Variants in GLYR1 observed in about 807,000 individuals in gnomAD.
GLYR1 encodes cytokine-like nuclear factor N-PAC.
Under a neutral mutation model 72.7 loss-of-function variants are expected in GLYR1, and 21 were observed. The observed-to-expected ratio is 0.29, with a 90% confidence interval of 0.20 to 0.42. GLYR1 has a LOEUF of 0.42. Ranked by LOEUF, GLYR1 falls within the 10% of genes least tolerant of loss-of-function variation. GLYR1 has a pLI of 1.00. For synonymous variants in GLYR1, 392 were observed against 270.2 expected (o/e 1.45, Z -4.42); for missense variants, 594 against 712.1 (o/e 0.83, Z 1.89).
intron 10 of GLYR1, among the ~76,000 whole-genome samples, chr16:4,817,260 C>T (rs531724646): frequency 3.2e-4 from 48 of 151,946 alleles, no homozygotes; most frequent in African/African-American, 9.7e-4. Context: ...GCTGGGACTA[C>T]AGGTGCCCGC....
intron 10 of GLYR1, among the ~76,000 whole-genome samples, chr16:4,816,282 T>C (rs1019289302): frequency 1.3e-5 from 2 of 152,148 alleles, no homozygotes; most frequent in Admixed American, 6.6e-5. Context: ...TAGCTGGGAC[T>C]ATAGTAGGCA....
At chr16:4,811,826 T>G in intron 13 of GLYR1, 24 bp from the exon 14 acceptor site, 1 of 1,602,228 alleles carries the variant, frequency 6.2e-7, no homozygotes, top group Non-Finnish European at 8.5e-7. Context: ...AGACTCACGG[T>G]CACAGCCCAA....
At position 4,847,225 on chromosome 16, in the gene GLYR1, C is replaced by T. The variant is rs369843239; in HGVS notation, c.38+3G>A. 6.2e-7 allele frequency: 1 copy of T among 1,606,768 alleles called. No homozygotes were observed. The highest frequency in any genetic ancestry group is 8.5e-7 in the Non-Finnish European group (1 of 1,177,826). On this transcript the variant is annotated splice_donor_region_variant and intron_variant, in intron 1 of 15. Coordinates refer to ENST00000321919, the MANE Select transcript of GLYR1 (RefSeq NM_032569.4). ...CTCGGTTGGCCCGGCCGCTCGGACT[C>T]ACCACACCAAGTCGCCGAGCCGCAG...
intron 5 of GLYR1, among the ~76,000 whole-genome samples, chr16:4,825,353 C>A (rs189948250): frequency 6.6e-6 from 1 of 152,314 alleles, no homozygotes; most frequent in East Asian, 1.9e-4. Flanking sequence ...CTTTCCCCCC[C>A]GCACCAAACA....
chr16:4,811,652 G>A lies in GLYR1; in HGVS notation c.1433C>T (p.Ala478Val). 1 of 1,614,102 alleles carries A rather than the reference G, an allele frequency of 6.2e-7. No individual in the cohort carries two copies. Among genetic ancestry groups the A allele is most frequent in the Non-Finnish European group, 8.5e-7 (1 of 1,180,034 alleles). Reference protein sequence around the residue: ...LLDILNQGQLASIFLDQKCQN... With the variant: ...LLDILNQGQLVSIFLDQKCQN... ...GCACTTCTGGTCCAGGAAGATGCTG[G>A]CCAACTGTCCCTGATTGAGGATGTC... The change falls in exon 14 of 16, where the codon GCC becomes GTC. Residue 478 changes from alanine (A) to valine (V), a missense_variant. By Grantham distance (64) the Ala-to-Val change is moderately conservative. Transcript: ENST00000321919.
At chr16:4,819,969 G>A (rs79610111) in intron 9 of GLYR1, among the ~76,000 whole-genome samples, 386 of 152,220 alleles carry the variant, frequency 2.5e-3, no homozygotes, top group African/African-American at 8.4e-3. Context: ...CTTTCTTGGT[G>A]TTCTAGGAAG....
chr16:4,828,219 A>G (rs1229524335), intron 5 of GLYR1, among the ~76,000 whole-genome samples: 2 of 151,492 alleles, frequency 1.3e-5, no homozygotes, highest in African/African-American at 4.8e-5. Flanking sequence ...ATAGGCGCCC[A>G]CCACCATGCC....
At chr16:4,843,627 C>A (rs764098738) in intron 3 of GLYR1, 93 of 1,288,950 alleles carry the variant, frequency 7.2e-5, no homozygotes, top group Non-Finnish European at 9.0e-5. Context: ...CCAGGAAGAG[C>A]ATCTGACATA....
Position 4,822,879 on chromosome 16 carries a change from T to C in GLYR1, c.677A>G (p.Glu226Gly). The change falls in exon 7 of 16, where the codon GAG becomes GGG. Residue 226 changes from glutamate (E) to glycine (G), a missense_variant. Around this residue, in one of 5 missense-constraint regions of GLYR1, gnomAD observed 252 missense variants for 211.3 expected, o/e 1.19. Coordinates refer to ENST00000321919, the MANE Select transcript of GLYR1 (RefSeq NM_032569.4). ...AGAGCCTCAAAGGCAACTCACCTTCTCTGTTTGGCTTAGCAGGAAATGATG... is the reference window on the plus strand; with the variant it reads ...AGAGCCTCAAAGGCAACTCACCTTCCCTGTTTGGCTTAGCAGGAAATGATG... ...HFHHFLLSQT[E>G]KPAVCYQAIT... 1 of 1,614,004 alleles carries C rather than the reference T, an allele frequency of 6.2e-7. No individual in the cohort carries two copies. The highest frequency in any genetic ancestry group is 1.1e-5 in the South Asian group (1 of 91,076).
chr16:4,838,712 G>A (rs554136164), intron 3 of GLYR1, among the ~76,000 whole-genome samples: 93 of 151,934 alleles, frequency 6.1e-4, no homozygotes, highest in African/African-American at 2.2e-3. Context: ...TCAGCCACCC[G>A]AGTAGCTGGG....
At chr16:4,818,690 C>T (rs897391767) in intron 9 of GLYR1, among the ~76,000 whole-genome samples, 2 of 152,156 alleles carry the variant, frequency 1.3e-5, no homozygotes, top group African/African-American at 2.4e-5. Flanking sequence ...CAATTTTCAC[C>T]TCTCTTTCCC....
Position 4,817,563 on chromosome 16 carries a change from C to T in GLYR1, c.906+35G>A, listed in dbSNP as rs150506066. 44 of 1,322,266 alleles carry T rather than the reference C, an allele frequency of 3.3e-5. No homozygotes were observed. In the African/African-American group the frequency reaches 3.8e-4, roughly 11 times the overall value. The allele number at this position is 1,322,266 out of a possible 1,614,324, so 81.9% of individuals were successfully genotyped here. A position where few individuals can be genotyped will look rare whatever the true frequency, so the allele number is the denominator to read the frequency against. On this transcript the variant is annotated intron_variant, in intron 10 of 15. Coordinates refer to ENST00000321919, the MANE Select transcript of GLYR1 (RefSeq NM_032569.4). ...CCACTCTTAGGGTTACCCCAGACTCCACCGATCCAACAGGCACCACCCCTG... is the reference window on the plus strand; with the variant it reads ...CCACTCTTAGGGTTACCCCAGACTCTACCGATCCAACAGGCACCACCCCTG...
intron 11 of GLYR1, 23 bp downstream of exon 11, chr16:4,814,514 G>C (rs1365309523): frequency 1.3e-6 from 2 of 1,583,202 alleles, no homozygotes; most frequent in East Asian, 2.2e-5. Flanking sequence ...CGGAGTTGCT[G>C]AGGGGAGGGA....
At chr16:4,811,417 T>C (rs1322332669) in intron 14 of GLYR1, 123 bp from the exon 15 acceptor site, 2 of 1,389,176 alleles carry the variant, frequency 1.4e-6, no homozygotes, top group African/African-American at 1.4e-5. Context: ...CCTAGGCCTC[T>C]TGGCTCCTCA....
intron 3 of GLYR1, among the ~76,000 whole-genome samples, chr16:4,842,116 C>G (rs753165062): frequency 6.6e-5 from 10 of 151,972 alleles, no homozygotes; most frequent in Non-Finnish European, 1.3e-4. Flanking sequence ...TGGTGGTGTG[C>G]GCCTGTAGTC....
At chr16:4,838,502 G>A (rs918174533) in intron 3 of GLYR1, among the ~76,000 whole-genome samples, 3 of 152,254 alleles carry the variant, frequency 2.0e-5, no homozygotes, top group East Asian at 1.9e-4. Flanking sequence ...CTGTTGAACC[G>A]GTTGGTTTCT....
intron 15 of GLYR1, among the ~76,000 whole-genome samples, chr16:4,808,352 T>C (rs113314426): frequency 6.6e-6 from 1 of 152,126 alleles, no homozygotes; most frequent in African/African-American, 2.4e-5. Flanking sequence ...ATCCCAGCAC[T>C]TAGGTAGGCT....
At chr16:4,820,892 G>C (rs139985701) in intron 9 of GLYR1, among the ~76,000 whole-genome samples, 205 of 152,338 alleles carry the variant, frequency 1.3e-3, no homozygotes, top group African/African-American at 4.6e-3. Context: ...AGTGCTCAGT[G>C]AGGATCCCCA....
At chr16:4,817,124 TA>T (rs1350255159) in intron 10 of GLYR1, among the ~76,000 whole-genome samples, 1 of 150,948 alleles carries the variant, frequency 6.6e-6, no homozygotes, top group Non-Finnish European at 1.5e-5. Flanking sequence ...TTGTATTTTC[TA>T]TTTTTTTTTT....
Sources: gnomAD v4.1 joint callset for allele counts (sites outside exome capture counted in the v4.1 genomes callset) on GRCh38, gnomAD v4.1.1 for gene constraint, gnomAD v4.1.1 regional missense constraint, MANE v1.5 for transcripts, NCBI Gene and HGNC (gene_info 2026-07-23, HGNC 2026-07-21) for gene names.